Variants in RPTOR observed in about 807,000 individuals in gnomAD.
RPTOR encodes the protein regulatory associated protein of MTOR complex 1, also known as regulatory-associated protein of mTOR.
A neutral mutation model predicts 169.9 loss-of-function variants in RPTOR; 21 were observed. The ratio of observed to expected loss-of-function variants is 0.12; its 90% CI spans 0.09 to 0.18. The LOEUF (loss-of-function observed/expected upper bound fraction) is 0.18, where lower values mean the gene tolerates loss of function less well. Ranked by LOEUF, RPTOR falls within the 10% of genes least tolerant of loss-of-function variation. RPTOR has a pLI of 1.00. For synonymous variants in RPTOR, 732 were observed against 753.2 expected, an observed-to-expected ratio of 0.97 and a Z score of 0.46; for missense variants, 1,133 against 1,855.9, an observed-to-expected ratio of 0.61 and a Z score of 7.16.
chr17:80,638,305 C>T lies in RPTOR; in HGVS notation c.266-5423C>T, dbSNP rs555218104. Among the ~76,000 whole-genome samples, 12 of 152,280 alleles carry T rather than the reference C, an allele frequency of 7.9e-5. No individual in the cohort carries two copies. The East Asian group carries it at 1.5e-3, about 20-fold the overall frequency. ...GGGGGTCAGTAGCACCCGTTAGCCA[C>T]GGCCAGTCACAGCCGTATGCTCTGT... is the stretch of plus-strand genomic sequence containing the variant. On this transcript the variant is annotated intron_variant, in intron 2 of 33. Coordinates refer to ENST00000306801, the MANE Select transcript of RPTOR (RefSeq NM_020761.3).
rs896475564 is a variant in RPTOR, at chr17:80,707,364, A to G, written c.349-477A>G. ...GTAGTTCTCAATGTTTGTTGAATGAATATTTATAACCATCATGTGTGGCAG... is the reference window on the plus strand; with the variant it reads ...GTAGTTCTCAATGTTTGTTGAATGAGTATTTATAACCATCATGTGTGGCAG... On this transcript the variant is annotated intron_variant, in intron 3 of 33. Coordinates refer to ENST00000306801, the MANE Select transcript of RPTOR (RefSeq NM_020761.3). This position sits in a 1 kb window ranked among gnomAD's most constrained non-coding sequence, Gnocchi z 5.0. Among the ~76,000 whole-genome samples the G allele has an allele frequency of 6.6e-6, 1 of 152,152 alleles. No individual in the cohort carries two copies. The highest frequency in any genetic ancestry group is 2.4e-5 in the African/African-American group (1 of 41,414).
At chr17:80,598,979 G>A (rs1460449969) in intron 1 of RPTOR, among the ~76,000 whole-genome samples, 1 of 151,720 alleles carries the variant, frequency 6.6e-6, no homozygotes, top group Non-Finnish European at 1.5e-5. Flanking sequence ...GCAGTGTTGT[G>A]ATCACTGCAG....
chr17:80,676,330 G>A (rs956162931), intron 3 of RPTOR, among the ~76,000 whole-genome samples: 4 of 137,772 alleles, frequency 2.9e-5, no homozygotes, highest in Admixed American at 7.1e-5. Context: ...TGTGTAGATG[G>A]AGTCACCCCC....
intron 13 of RPTOR, among the ~76,000 whole-genome samples, chr17:80,862,198 G>A (rs981213922): frequency 3.2e-4 from 49 of 152,238 alleles, no homozygotes; most frequent in African/African-American, 1.2e-3. Context: ...CTGCCTGCAG[G>A]CATCACAGGC....
rs748079762 is a variant in RPTOR at position 80,822,281 on chromosome 17, C to T, written c.971C>T (p.Ala324Val). 1 of 1,614,152 alleles carries T rather than the reference C, an allele frequency of 6.2e-7. No homozygotes were observed. The highest frequency in any genetic ancestry group is 8.5e-7 in the Non-Finnish European group (1 of 1,180,002). Residue 324 changes from alanine to valine, a missense_variant, in exon 8 of 34, where the codon GCG becomes GTG. Transcript: ENST00000306801. ...TTCACAGCCATCACAGACACCATCGCGTGGAACGTGCTCCCCCGGGGTGAG... is the reference window on the plus strand; with the variant it reads ...TTCACAGCCATCACAGACACCATCGTGTGGAACGTGCTCCCCCGGGGTGAG... ...WIFTAITDTI[A>V]WNVLPRDLFQ...
intron 4 of RPTOR, among the ~76,000 whole-genome samples, chr17:80,713,932 T>C (rs959124515): frequency 6.6e-6 from 1 of 152,124 alleles, no homozygotes; most frequent in Admixed American, 6.5e-5. Flanking sequence ...ATAGACAAAA[T>C]TGATAGTTAA....
rs540027002 is a variant in RPTOR, at chr17:80,769,967, C to A, written c.830+15782C>A. Among the ~76,000 whole-genome samples, 4 of 152,308 alleles carry A rather than the reference C, an allele frequency of 2.6e-5. No individual in the cohort carries two copies. In the South Asian group the frequency reaches 8.3e-4, roughly 32 times the overall value. ...AGAGCCAGTCACACGGGGGTCTCCA[C>A]CCTTGTCTCAGCCCACTAGTGCTGC... is the stretch of plus-strand genomic sequence containing the variant. On this transcript the variant is annotated intron_variant, in intron 6 of 33. Coordinates refer to ENST00000306801, the MANE Select transcript of RPTOR (RefSeq NM_020761.3).
At chr17:80,654,983 T>G (rs1207268146) in intron 3 of RPTOR, among the ~76,000 whole-genome samples, 6 of 152,242 alleles carry the variant, frequency 3.9e-5, no homozygotes, top group Non-Finnish European at 8.8e-5. Context: ...TACCAAACCA[T>G]TCCTCTTCTA....
chr17:80,641,578 C>T (rs1054585358), intron 2 of RPTOR, among the ~76,000 whole-genome samples: 3 of 152,154 alleles, frequency 2.0e-5, no homozygotes, highest in Non-Finnish European at 4.4e-5. Flanking sequence ...TAGACGACTG[C>T]AATAAGTGAG....
At chr17:80,832,648 G>T (rs973661302) in intron 9 of RPTOR, among the ~76,000 whole-genome samples, 19 of 152,320 alleles carry the variant, frequency 1.2e-4, no homozygotes, top group African/African-American at 4.6e-4. Flanking sequence ...TGCAACTGAG[G>T]ACTGAGCTGC....
At chr17:80,906,283 C>T (rs529731524) in intron 20 of RPTOR, among the ~76,000 whole-genome samples, 108 of 152,238 alleles carry the variant, frequency 7.1e-4, no homozygotes, top group African/African-American at 2.5e-3. Flanking sequence ...TAGGAGCCGG[C>T]TCCGCTGGGG....
At chr17:80,881,568 C>A (rs8076350) in intron 14 of RPTOR, among the ~76,000 whole-genome samples, 2,561 of 152,338 alleles carry the variant, frequency 0.017, 62 homozygotes, top group African/African-American at 0.057. Flanking sequence ...CCTGTAATCC[C>A]AGCGCTTTGG....
chr17:80,959,453 G>A lies in RPTOR; in HGVS notation c.3478-625G>A, dbSNP rs531087313. 5.3e-5 allele frequency among the ~76,000 whole-genome samples: 8 copies of A among 152,252 alleles called. No individual in the cohort carries two copies. The highest frequency in any genetic ancestry group is 2.1e-4 in the South Asian group (1 of 4,826). Reference sequence around the variant, plus strand: ...AGGGGTCTGGCCCCATCATCCCCACGCCTGTGTTTCCTCCTGGAGTGCACA... The same window carrying A: ...AGGGGTCTGGCCCCATCATCCCCACACCTGTGTTTCCTCCTGGAGTGCACA... On this transcript the variant is annotated intron_variant, in intron 29 of 33. Transcript: ENST00000306801. This position sits in a 1 kb window ranked among gnomAD's most constrained non-coding sequence, Gnocchi z 6.7.
intron 1 of RPTOR, among the ~76,000 whole-genome samples, chr17:80,568,910 CTGAAGTG>C (rs922204985): frequency 6.4e-4 from 97 of 152,302 alleles, no homozygotes; most frequent in Middle Eastern, 3.4e-3. Context: ...AACTCCTGGG[CTGAAGTG>C]ACCTCCCATG....
At chr17:80,674,787 C>CAAAAAAAAAAAAAAAAAAAAA (rs9319608) in intron 3 of RPTOR, among the ~76,000 whole-genome samples, 3 of 89,952 alleles carry the variant, frequency 3.3e-5, no homozygotes, top group African/African-American at 8.2e-5. Context: ...GACTCTGTCT[C>CAAAAAAAAAAAAAAAAAAAAA]AAAAAAAAAA....
chr17:80,934,374 T>C (rs2068931770), intron 24 of RPTOR, among the ~76,000 whole-genome samples: 1 of 152,202 alleles, frequency 6.6e-6, no homozygotes, highest in Non-Finnish European at 1.5e-5. Flanking sequence ...TTTTGTTTTG[T>C]TTGAGATGGG....
intron 3 of RPTOR, among the ~76,000 whole-genome samples, chr17:80,652,031 G>A (rs1328618114): frequency 1.3e-5 from 2 of 150,260 alleles, no homozygotes; most frequent in East Asian, 1.9e-4. Flanking sequence ...TTAGCTGGGC[G>A]TGGTGGCGGG....
intron 9 of RPTOR, among the ~76,000 whole-genome samples, chr17:80,826,231 G>T (rs553062419): frequency 2.0e-5 from 3 of 152,334 alleles, no homozygotes; most frequent in East Asian, 3.9e-4. Flanking sequence ...AATCTCACCT[G>T]CCTTACCTGG....
At position 80,711,416 on chromosome 17, in the gene RPTOR, A is replaced by G. The variant is rs542341077; in HGVS notation, c.507+3417A>G. ...ATTTGAAAGATGCAGACATCCTGAC[A>G]CTAAGAACGAGGATGGCTTTCTGTA... On this transcript the variant is annotated intron_variant, in intron 4 of 33. Coordinates refer to ENST00000306801, the MANE Select transcript of RPTOR (RefSeq NM_020761.3). 1.2e-4 allele frequency among the ~76,000 whole-genome samples: 19 copies of G among 152,252 alleles called. 1 individual carries two copies. The highest frequency in any genetic ancestry group is 4.6e-4 in the African/African-American group (19 of 41,564).
Sources: allele counts gnomAD v4.1 joint callset (sites outside exome capture counted in the v4.1 genomes callset), GRCh38; gene constraint gnomAD v4.1.1; non-coding constraint Gnocchi (gnomAD v3.1); transcripts MANE v1.5; gene names NCBI Gene and HGNC (gene_info 2026-07-23, HGNC 2026-07-21).